Variants in PMF1 observed in about 807,000 individuals in gnomAD.
The protein encoded by PMF1 is polyamine modulated factor 1, also known as polyamine-modulated factor 1.
In PMF1, 21 loss-of-function variants were observed where a neutral mutation model predicts 26.7. The ratio of observed to expected loss-of-function variants is 0.79; its 90% confidence interval spans 0.56 to 1.13. PMF1 has a LOEUF of 1.13. Ranked by LOEUF, PMF1 falls within the 50% of genes most tolerant of loss-of-function variation. The probability of loss-of-function intolerance (pLI) is 0.00; values close to 1 mark genes in which losing one functional copy is unlikely to be tolerated. For synonymous variants in PMF1, 105 were observed against 101.0 expected, an observed-to-expected ratio of 1.04 and a Z score of -0.24; for missense variants, 266 against 254.9, an observed-to-expected ratio of 1.04 and a Z score of -0.30.
At chr1:156,226,840 T>C (rs907906924) in intron 1 of PMF1, among the ~76,000 whole-genome samples, 2 of 152,220 alleles carry the variant, frequency 1.3e-5, no homozygotes, top group Non-Finnish European at 2.9e-5. Context: ...CCAGTAAAGT[T>C]ACCCAGTATG....
At chr1:156,230,257 T>A (rs1227649591) in intron 1 of PMF1, among the ~76,000 whole-genome samples, 1 of 152,226 alleles carries the variant, frequency 6.6e-6, no homozygotes, top group East Asian at 1.9e-4. Flanking sequence ...TTTGAAGATC[T>A]TCCTTGGTTC....
At chr1:156,228,540 C>A (rs1658518164) in intron 1 of PMF1, among the ~76,000 whole-genome samples, 1 of 151,932 alleles carries the variant, frequency 6.6e-6, no homozygotes, top group Non-Finnish European at 1.5e-5. Context: ...AATTATCATA[C>A]CATAAAGGAG....
intron 3 of PMF1, among the ~76,000 whole-genome samples, chr1:156,234,924 G>A (rs997904517): frequency 6.6e-6 from 1 of 152,120 alleles, no homozygotes; most frequent in African/African-American, 2.4e-5. Context: ...AGTGCAAGGT[G>A]GAGAAGTGGG....
At chr1:156,222,860 A>G (rs1658161682) in intron 1 of PMF1, among the ~76,000 whole-genome samples, 1 of 152,224 alleles carries the variant, frequency 6.6e-6, no homozygotes, top group South Asian at 2.1e-4. Context: ...CTTGTGGTTC[A>G]GTCTTCTGGC....
chr1:156,235,435 A>ATTTT (rs36002644), intron 3 of PMF1, among the ~76,000 whole-genome samples: 7 of 69,086 alleles, frequency 1.0e-4, no homozygotes, highest in South Asian at 4.8e-4. Context: ...TTGAAAAATA[A>ATTTT]TTTTTTTTTT....
chr1:156,228,256 ATTTTTTTTTTTTTT>A (rs772709878), intron 1 of PMF1, among the ~76,000 whole-genome samples: 11 of 33,566 alleles, frequency 3.3e-4, no homozygotes, highest in African/African-American at 6.1e-4. Flanking sequence ...GCACCTGGCG[ATTTTTTTTTTTTTT>A]TTTTTTTTTT....
At chr1:156,214,528 T>C (rs1657576793) in intron 1 of PMF1, among the ~76,000 whole-genome samples, 1 of 152,184 alleles carries the variant, frequency 6.6e-6, no homozygotes. Context: ...TTTTTGGAGC[T>C]TGCATTCAAT....
chr1:156,224,938 T>C (rs941796935), intron 1 of PMF1, among the ~76,000 whole-genome samples: 5 of 151,642 alleles, frequency 3.3e-5, no homozygotes, highest in African/African-American at 1.2e-4. Flanking sequence ...CTTGCTCTGT[T>C]GCCCAGGCTG....
chr1:156,231,747 T>C (rs1039110197), intron 1 of PMF1, among the ~76,000 whole-genome samples: 20 of 152,032 alleles, frequency 1.3e-4, no homozygotes, highest in Admixed American at 2.6e-4. Flanking sequence ...AAGAGAAATA[T>C]ATTACCTCAT....
chr1:156,225,411 ACAC>A, intron 1 of PMF1: 1 of 559,022 alleles, frequency 1.8e-6, no homozygotes, highest in Non-Finnish European at 3.3e-6. Context: ...CGAGCAGTGT[ACAC>A]TATACCCAGT....
rs1405159530 is a variant in PMF1 at position 156,236,304 on chromosome 1, C to A, written c.385C>A (p.Pro129Thr). 1 of 1,609,560 alleles carries A rather than the reference C, an allele frequency of 6.2e-7. No individual in the cohort carries two copies. Among genetic ancestry groups the A allele is most frequent in the African/African-American group, 1.3e-5 (1 of 74,840 alleles). ...KEPAWRPSGI[P>T]EKDLHSVMAP... is the part of the protein sequence containing the mutation. ...GCCCTCCAGGCGCCCCAGCGGGATC[C>A]CAGAGAAGGATCTGCACAGTGTTAT... The change falls in exon 4 of 5, where the codon CCA becomes ACA. Residue 129 changes from proline to threonine, a missense_variant. Pro to Thr is a conservative substitution (Grantham distance 38). Transcript: ENST00000368277.
At chr1:156,221,800 A>C (rs1658095978) in intron 1 of PMF1, among the ~76,000 whole-genome samples, 1 of 152,148 alleles carries the variant, frequency 6.6e-6, no homozygotes, top group Non-Finnish European at 1.5e-5. Context: ...ACCACTATCC[A>C]TTCTCTAGGC....
At chr1:156,232,510 T>A (rs966572397) in intron 2 of PMF1, 85 bp downstream of exon 2, 2 of 1,298,414 alleles carry the variant, frequency 1.5e-6, no homozygotes, top group Non-Finnish European at 2.2e-6. Context: ...GGCCCCACCC[T>A]CTACACCTCT....
chr1:156,225,663 A>AG (rs1658335714), intron 1 of PMF1: 1 of 1,547,686 alleles, frequency 6.5e-7, no homozygotes, highest in Admixed American at 1.9e-5. Context: ...ACCACAGGGG[A>AG]GGAAGGCAAG....
intron 1 of PMF1, among the ~76,000 whole-genome samples, chr1:156,217,727 CAAAAAAAA>C (rs10659605): frequency 3.6e-5 from 3 of 83,340 alleles, no homozygotes; most frequent in African/African-American, 7.8e-5. Flanking sequence ...GTCTCCAACT[CAAAAAAAA>C]AAAAAAAACA....
chr1:156,214,104 C>T (rs559771231), intron 1 of PMF1, among the ~76,000 whole-genome samples: 25 of 152,198 alleles, frequency 1.6e-4, no homozygotes, highest in Non-Finnish European at 3.4e-4. Flanking sequence ...CTAGTAGAGA[C>T]GAGGTTTCAC....
At chr1:156,214,604 A>G (rs907040652) in intron 1 of PMF1, among the ~76,000 whole-genome samples, 2 of 152,084 alleles carry the variant, frequency 1.3e-5, no homozygotes, top group South Asian at 2.1e-4. Flanking sequence ...TTATGTGTCA[A>G]CAGTGACTCA....
chr1:156,222,371 T>C lies in PMF1; in HGVS notation c.161+9195T>C, dbSNP rs57689025. On this transcript the variant is annotated intron_variant, in intron 1 of 4. Coordinates refer to ENST00000368277, the MANE Select transcript of PMF1 (RefSeq NM_007221.4). ...GAGAAAGGGCTCAATAAGTGTCATA[T>C]ATGAATACATACTTTTTTTTTTCTT... is the stretch of plus-strand genomic sequence containing the variant. Among the ~76,000 whole-genome samples the C allele has an allele frequency of 2.9e-3, 429 of 148,972 alleles. 12 individuals are homozygous for C. In the East Asian group the frequency reaches 0.066, roughly 23 times the overall value.
intron 1 of PMF1, among the ~76,000 whole-genome samples, chr1:156,222,148 A>C (rs1310689299): frequency 6.6e-6 from 1 of 152,182 alleles, no homozygotes; most frequent in Non-Finnish European, 1.5e-5. Context: ...ACCAACCCCA[A>C]GTCAGGGCCG....
Sources: allele counts gnomAD v4.1 joint callset (sites outside exome capture counted in the v4.1 genomes callset), GRCh38; gene constraint gnomAD v4.1.1; transcripts MANE v1.5; gene names NCBI Gene and HGNC (gene_info 2026-07-23, HGNC 2026-07-21).